WAC: variants seen among roughly 807,000 people sequenced by gnomAD.
WAC encodes the protein WW domain-containing adapter protein with coiled-coil.
WAC carries 11 observed loss-of-function variants against 79.6 expected under a neutral mutation model. The observed-to-expected ratio is 0.14, with a 90% CI of 0.09 to 0.23. The LOEUF (loss-of-function observed/expected upper bound fraction) is 0.23. WAC is among the 10% of genes least tolerant of loss of function. The pLI is 1.00. For synonymous variants in WAC, 304 were observed against 276.9 expected (o/e 1.10, Z -0.97); for missense variants, 728 against 773.5 (o/e 0.94, Z 0.70).
intron 11 of WAC, 161 bp from the exon 12 acceptor site, chr10:28,616,004 ATCATATAC>A: frequency 3.8e-6 from 2 of 529,102 alleles, no homozygotes; most frequent in Non-Finnish European, 6.4e-6. Flanking sequence ...GTTTTGAGGA[ATCATATAC>A]TTTGGATTAT....
chr10:28,550,641 A>G (rs1178155773), intron 3 of WAC, among the ~76,000 whole-genome samples: 1 of 152,198 alleles, frequency 6.6e-6, no homozygotes, highest in African/African-American at 2.4e-5. Flanking sequence ...AGAAATCTTC[A>G]GAGAACTGAT....
intron 3 of WAC, among the ~76,000 whole-genome samples, chr10:28,564,365 G>T (rs570690754): frequency 2.1e-4 from 32 of 152,344 alleles, no homozygotes; most frequent in African/African-American, 6.5e-4. Context: ...TGAGTTTTTG[G>T]ATTAAGTTTT....
At chr10:28,597,950 T>A (rs866060631) in intron 7 of WAC, among the ~76,000 whole-genome samples, 2 of 152,196 alleles carry the variant, frequency 1.3e-5, no homozygotes, top group South Asian at 4.1e-4. Flanking sequence ...CTCCGTTTGT[T>A]AATTTGTAAA....
At chr10:28,617,903 C>A in intron 13 of WAC, 119 bp downstream of exon 13, 2 of 1,094,826 alleles carry the variant, frequency 1.8e-6, no homozygotes, top group Non-Finnish European at 2.5e-6. Flanking sequence ...ATACATTGAT[C>A]ACATTCTATC....
At chr10:28,536,011 G>C (rs964078726) in intron 3 of WAC, 3 of 236,600 alleles carry the variant, frequency 1.3e-5, no homozygotes, top group Admixed American at 1.1e-4. Context: ...GGAGGCCGAG[G>C]CGGGCAGATC....
intron 3 of WAC, among the ~76,000 whole-genome samples, chr10:28,569,660 G>A (rs1838839926): frequency 6.6e-6 from 1 of 152,198 alleles, no homozygotes; most frequent in Non-Finnish European, 1.5e-5. Flanking sequence ...GGCTAGAGCT[G>A]TGGCTGGGCA....
At chr10:28,556,563 G>T (rs1242992675) in intron 3 of WAC, among the ~76,000 whole-genome samples, 1 of 151,344 alleles carries the variant, frequency 6.6e-6, no homozygotes, top group African/African-American at 2.4e-5. Flanking sequence ...TTTTTAGTGT[G>T]ATATAGTCAC....
chr10:28,543,951 G>A (rs140747208), intron 3 of WAC, among the ~76,000 whole-genome samples: 11 of 152,122 alleles, frequency 7.2e-5, no homozygotes, highest in African/African-American at 2.7e-4. Context: ...GTGCAGTGGC[G>A]CAATCTTTGC....
At chr10:28,533,912 G>C in intron 1 of WAC, 86 bp from the exon 2 acceptor site, 1 of 1,511,902 alleles carries the variant, frequency 6.6e-7, no homozygotes, top group East Asian at 2.4e-5. Context: ...CCCGCGGGGA[G>C]GGGCGGCGGG....
In WAC at chr10:28,620,879, C is replaced by T. The variant is rs1302170797; in HGVS notation, c.*1273C>T. The T allele has an allele frequency of 3.3e-5, 5 of 152,144 alleles. No individual in the cohort carries two copies. Among genetic ancestry groups the T allele is most frequent in the African/African-American group, 1.2e-4 (5 of 41,420 alleles). 9.4% of individuals were successfully genotyped at this position (152,144 alleles called of 1,614,324 possible). A position where few individuals can be genotyped will look rare whatever the true frequency, so the allele number is the denominator to read the frequency against. ...TGCTGTTCTTAGCCATCACAAAACG[C>T]TAAATTTGTGTAATTGGAGCTTCCT... On this transcript the variant is annotated 3_prime_UTR_variant, in exon 14 of 14. Coordinates refer to ENST00000354911, the MANE Select transcript of WAC (RefSeq NM_016628.5).
intron 3 of WAC, among the ~76,000 whole-genome samples, chr10:28,549,310 T>A (rs1837537025): frequency 6.6e-6 from 1 of 152,210 alleles, no homozygotes; most frequent in Admixed American, 6.5e-5. Context: ...TCTTTGCTGC[T>A]TTCTCAGTTT....
intron 3 of WAC, among the ~76,000 whole-genome samples, chr10:28,569,375 A>C (rs1021707406): frequency 6.6e-6 from 1 of 152,218 alleles, no homozygotes. Context: ...CTTTGTTGGA[A>C]ATCTGTTTGA....
chr10:28,562,435 T>C (rs1030031222), intron 3 of WAC, among the ~76,000 whole-genome samples: 5 of 152,198 alleles, frequency 3.3e-5, no homozygotes, highest in African/African-American at 1.2e-4. Context: ...GTTGCAAATA[T>C]AATGATTGAT....
intron 3 of WAC, among the ~76,000 whole-genome samples, chr10:28,571,959 C>T (rs1430670245): frequency 6.6e-6 from 1 of 152,090 alleles, no homozygotes; most frequent in Non-Finnish European, 1.5e-5. Flanking sequence ...TATTTTTTCT[C>T]TCAGAGGAAT....
intron 1 of WAC, 58 bp downstream of exon 1, chr10:28,533,678 G>GA (rs1392840462): frequency 6.0e-6 from 9 of 1,503,484 alleles, no homozygotes; most frequent in Non-Finnish European, 8.1e-6. Flanking sequence ...CGGGGGGGCT[G>GA]TTCCTCCTTA....
chr10:28,561,997 G>C (rs1181831212), intron 3 of WAC, among the ~76,000 whole-genome samples: 1 of 152,170 alleles, frequency 6.6e-6, no homozygotes, highest in East Asian at 1.9e-4. Flanking sequence ...AGGGTGCAGA[G>C]ACTAGGAGCT....
intron 7 of WAC, among the ~76,000 whole-genome samples, chr10:28,601,073 G>GA (rs1266730721): frequency 6.6e-6 from 1 of 151,780 alleles, no homozygotes; most frequent in Non-Finnish European, 1.5e-5. Context: ...GGCAACAAAA[G>GA]AAAAAAATAG....
At chr10:28,577,341 T>C (rs1216801283) in intron 3 of WAC, among the ~76,000 whole-genome samples, 2 of 152,220 alleles carry the variant, frequency 1.3e-5, no homozygotes, top group Non-Finnish European at 2.9e-5. Flanking sequence ...TTTGCATTAT[T>C]ATCTCTTGAA....
chr10:28,614,509 T>G, intron 10 of WAC, 58 bp from the exon 11 acceptor site: 1 of 1,334,542 alleles, frequency 7.5e-7, no homozygotes, highest in Non-Finnish European at 1.1e-6. Flanking sequence ...ACCTAGATTT[T>G]GGGGGGAGAG....
Sources: allele counts gnomAD v4.1 joint callset (sites outside exome capture counted in the v4.1 genomes callset), GRCh38; gene constraint gnomAD v4.1.1; transcripts MANE v1.5; gene names NCBI Gene and HGNC (gene_info 2026-07-23, HGNC 2026-07-21).